TMEM154: variants seen among roughly 807,000 people sequenced by gnomAD.
TMEM154 encodes transmembrane protein 154.
TMEM154 carries 27 observed loss-of-function variants against 24.5 expected under a neutral mutation model. The observed-to-expected ratio is 1.10, with a 90% CI of 0.81 to 1.52. TMEM154 has a LOEUF of 1.52. Ranked by LOEUF, TMEM154 falls within the 40% of genes most tolerant of loss-of-function variation. TMEM154 has a pLI of 0.00. For missense variants in TMEM154, 228 were observed against 213.4 expected (o/e 1.07, Z -0.43); for synonymous variants, 67 against 76.8 (o/e 0.87, Z 0.67).
At chr4:152,647,330 GA>G (rs112861894) in intron 3 of TMEM154, 28 of 984,706 alleles carry the variant, frequency 2.8e-5, no homozygotes, top group Non-Finnish European at 2.0e-5. Flanking sequence ...TATTTTACCT[GA>G]AAAAAAATCA....
intron 5 of TMEM154, among the ~76,000 whole-genome samples, chr4:152,641,885 C>A (rs1447980539): frequency 7.1e-6 from 1 of 140,186 alleles, no homozygotes; most frequent in Admixed American, 7.2e-5. Flanking sequence ...CCTTGATAAG[C>A]CTCTGGTAGC....
intron 1 of TMEM154, among the ~76,000 whole-genome samples, chr4:152,678,131 G>C (rs1389972337): frequency 6.6e-6 from 1 of 152,118 alleles, no homozygotes; most frequent in Admixed American, 6.5e-5. Flanking sequence ...CCACGGAGGG[G>C]GACGACAACT....
intron 6 of TMEM154, among the ~76,000 whole-genome samples, chr4:152,636,410 A>G (rs1435767149): frequency 2.7e-5 from 4 of 150,798 alleles, no homozygotes; most frequent in African/African-American, 9.8e-5. Context: ...AATATGAAAC[A>G]CTCCCCTCCC....
At chr4:152,678,625 T>C (rs1728997064) in intron 1 of TMEM154, among the ~76,000 whole-genome samples, 1 of 152,066 alleles carries the variant, frequency 6.6e-6, no homozygotes, top group African/African-American at 2.4e-5. Flanking sequence ...GACCCAGACA[T>C]CTCCCTTCTT....
chr4:152,642,794 T>G (rs58951867), intron 5 of TMEM154, among the ~76,000 whole-genome samples: 4,582 of 152,316 alleles, frequency 0.03, 158 homozygotes, highest in African/African-American at 0.082. Flanking sequence ...TAATGCCAGA[T>G]GCTAACTTTT....
intron 1 of TMEM154, among the ~76,000 whole-genome samples, chr4:152,670,529 G>C (rs1486842646): frequency 6.6e-6 from 1 of 152,146 alleles, no homozygotes; most frequent in African/African-American, 2.4e-5. Context: ...CCGGGAGCCG[G>C]AGGTTGCAGG....
At chr4:152,647,420 A>G in intron 3 of TMEM154, 5 of 743,204 alleles carry the variant, frequency 6.7e-6, no homozygotes, top group Non-Finnish European at 8.2e-6. Context: ...TCTGTTAAGC[A>G]GTTAGTGATC....
At chr4:152,628,600 A>AAAAAAAACAC in intron 6 of TMEM154, 39 bp from the exon 7 acceptor site, 1 of 989,210 alleles carries the variant, frequency 1.0e-6, no homozygotes, top group African/African-American at 2.0e-5. Flanking sequence ...AAACAAAAAA[A>AAAAAAAACAC]ACACACACAC....
intron 1 of TMEM154, among the ~76,000 whole-genome samples, chr4:152,663,480 G>C (rs6855314): frequency 0.077 from 11,760 of 152,288 alleles, 524 homozygotes; most frequent in Middle Eastern, 0.085. Context: ...GTGAAGGTCA[G>C]TCTTGCGTGG....
rs761627599 is a variant in TMEM154, at chr4:152,679,898, C to G, written c.36G>C (p.Leu12=). 3.1e-6 allele frequency: 5 copies of G among 1,611,058 alleles called. No homozygotes were observed. The East Asian group carries it at 8.9e-5, about 29-fold the overall frequency. The change falls in exon 1 of 7, where the codon CTG becomes CTC. Residue 12 remains leucine (L), a synonymous_variant. Coordinates refer to ENST00000304385, the MANE Select transcript of TMEM154 (RefSeq NM_152680.3). ...GGCCGACGGGAACGAGCGCGATCAC[C>G]AGGGCGAAGACTAGGGCTGCGCGGG... The part of the protein sequence containing the change: ...QAPRAALVFA[L]VIALVPVGRG...
intron 1 of TMEM154, among the ~76,000 whole-genome samples, chr4:152,664,501 C>A (rs184805772): frequency 4.9e-4 from 75 of 152,170 alleles, no homozygotes; most frequent in Non-Finnish European, 9.6e-4. Context: ...ATGTAACAAA[C>A]CTGCACACTG....
Position 152,674,835 on chromosome 4 carries a change from C to G in TMEM154, c.64+5035G>C, listed in dbSNP as rs375730749. 1.1e-3 allele frequency among the ~76,000 whole-genome samples: 170 copies of G among 152,220 alleles called. 1 individual carries two copies. The highest frequency in any genetic ancestry group is 3.7e-3 in the African/African-American group (154 of 41,512). The stretch of plus-strand genomic sequence containing the variant: ...CATCCTCGGTGTACCAGGTTCTGCT[C>G]TCAGGGCCCCCACGATTTCCATCAA... On this transcript the variant is annotated intron_variant, in intron 1 of 6. Coordinates refer to ENST00000304385, the MANE Select transcript of TMEM154 (RefSeq NM_152680.3).
At chr4:152,674,031 A>G (rs180962197) in intron 1 of TMEM154, among the ~76,000 whole-genome samples, 128 of 152,178 alleles carry the variant, frequency 8.4e-4, no homozygotes, top group African/African-American at 3.0e-3. Flanking sequence ...CGGTAACCTG[A>G]AAATTCTCCC....
At chr4:152,672,934 A>G (rs1227317642) in intron 1 of TMEM154, among the ~76,000 whole-genome samples, 1 of 152,248 alleles carries the variant, frequency 6.6e-6, no homozygotes, top group African/African-American at 2.4e-5. Context: ...AGGTAAAACC[A>G]TTTACAAATG....
chr4:152,662,163 A>T (rs1728625698), intron 1 of TMEM154, among the ~76,000 whole-genome samples: 1 of 152,094 alleles, frequency 6.6e-6, no homozygotes, highest in Non-Finnish European at 1.5e-5. Context: ...CAGGCAAGCA[A>T]GTTCTACAGT....
rs146667489 is a variant in TMEM154 at position 152,619,814 on chromosome 4, A to G, written c.*8732T>C. 2.0e-5 allele frequency: 3 copies of G among 152,360 alleles called. No individual in the cohort carries two copies. Among genetic ancestry groups the G allele is most frequent in the Non-Finnish European group, 4.4e-5 (3 of 68,032 alleles). The allele number at this position is 152,360 out of a possible 1,614,324, so 9.4% of individuals were successfully genotyped here. ...CAGATCCAGTTGAACTGCCCAGCCA[A>G]TGCCGTGTGGGAGAGAGTTGAACCA... is the stretch of plus-strand genomic sequence containing the variant. On this transcript the variant is annotated 3_prime_UTR_variant, in exon 7 of 7. Coordinates refer to ENST00000304385, the MANE Select transcript of TMEM154 (RefSeq NM_152680.3).
rs1408123845 is a variant in TMEM154 at position 152,627,095 on chromosome 4, T to G, written c.*1451A>C. ...ACAACCAGCTAGTTATAGCTTTCAT[T>G]GTATGGAAAGACCTCTCTGGTCTGG... is the stretch of plus-strand genomic sequence containing the variant. On this transcript the variant is annotated 3_prime_UTR_variant, in exon 7 of 7. Coordinates refer to ENST00000304385, the MANE Select transcript of TMEM154 (RefSeq NM_152680.3). The G allele has an allele frequency of 6.6e-6, 1 of 152,232 alleles. No individual in the cohort carries two copies. The highest frequency in any genetic ancestry group is 1.5e-5 in the Non-Finnish European group (1 of 68,034). The allele number at this position is 152,232 out of a possible 1,614,324, so 9.4% of individuals were successfully genotyped here.
chr4:152,639,336 A>G (rs1752209283), intron 6 of TMEM154, among the ~76,000 whole-genome samples: 1 of 152,226 alleles, frequency 6.6e-6, no homozygotes, highest in African/African-American at 2.4e-5. Context: ...TTCAAAGAGC[A>G]AAAGGCAGGA....
chr4:152,659,794 C>T (rs1314388086), intron 1 of TMEM154, among the ~76,000 whole-genome samples: 1 of 152,178 alleles, frequency 6.6e-6, no homozygotes, highest in Non-Finnish European at 1.5e-5. Flanking sequence ...TAGTACTGAA[C>T]CCCACATACA....
Sources: gnomAD v4.1 joint callset for allele counts (sites outside exome capture counted in the v4.1 genomes callset) on GRCh38, gnomAD v4.1.1 for gene constraint, MANE v1.5 for transcripts, NCBI Gene and HGNC (gene_info 2026-07-23, HGNC 2026-07-21) for gene names.